The following FHIT variants were observed in gnomAD, a reference collection of about 807,000 sequenced individuals.
FHIT encodes fragile histidine triad diadenosine triphosphatase.
In FHIT, 19 loss-of-function variants were observed where a neutral mutation model predicts 17.9. That is an observed-to-expected ratio of 1.06 (90% confidence interval 0.74 to 1.56). FHIT has a LOEUF of 1.56. FHIT is among the 40% of genes most tolerant of loss of function. FHIT has a pLI of 0.00. For missense variants in FHIT, 248 were observed against 189.2 expected (o/e 1.31, Z -1.82); for synonymous variants, 81 against 69.7 (o/e 1.16, Z -0.81).
chr3:60,047,196 A>G (rs969953955), intron 5 of FHIT, among the ~76,000 whole-genome samples: 1 of 152,250 alleles, frequency 6.6e-6, no homozygotes, highest in African/African-American at 2.4e-5. Flanking sequence ...GGCTATTTCC[A>G]TCCTCAATTC....
At chr3:61,205,709 G>A (rs75340275) in intron 1 of FHIT, among the ~76,000 whole-genome samples, 2 of 152,008 alleles carry the variant, frequency 1.3e-5, no homozygotes, top group African/African-American at 4.8e-5. Context: ...TTGTAGATTC[G>A]GGATATTAGC....
At chr3:60,047,315 G>A (rs530120609) in intron 5 of FHIT, among the ~76,000 whole-genome samples, 1 of 152,314 alleles carries the variant, frequency 6.6e-6, no homozygotes, top group South Asian at 2.1e-4. Context: ...AGAGGCGGTT[G>A]TTCTTTCTTG....
intron 2 of FHIT, among the ~76,000 whole-genome samples, chr3:61,060,051 T>A (rs1286334840): frequency 1.3e-5 from 2 of 152,140 alleles, no homozygotes; most frequent in Non-Finnish European, 2.9e-5. Context: ...CTGTCCAGGG[T>A]GAGTTCCCAC....
chr3:60,700,669 T>A (rs1283848473), intron 4 of FHIT, among the ~76,000 whole-genome samples: 2 of 152,196 alleles, frequency 1.3e-5, no homozygotes, highest in Admixed American at 1.3e-4. Context: ...TTGATAAATA[T>A]ATCCAGATTT....
intron 4 of FHIT, among the ~76,000 whole-genome samples, chr3:60,539,505 G>A (rs1426095082): frequency 1.3e-5 from 2 of 152,024 alleles, no homozygotes; most frequent in Non-Finnish European, 1.5e-5. Context: ...TATGTTTATT[G>A]CGGCACTATT....
At chr3:61,234,991 A>T (rs1453090681) in intron 1 of FHIT, among the ~76,000 whole-genome samples, 1 of 152,208 alleles carries the variant, frequency 6.6e-6, no homozygotes, top group Non-Finnish European at 1.5e-5. Context: ...AAAAATATTG[A>T]TGTTTCCTTA....
chr3:60,305,271 C>A (rs1010300036), intron 5 of FHIT, among the ~76,000 whole-genome samples: 2 of 152,100 alleles, frequency 1.3e-5, no homozygotes, highest in Admixed American at 1.3e-4. Flanking sequence ...TCAATCATTT[C>A]CAGTAAAGTG....
At chr3:60,463,903 T>C (rs1168649448) in intron 5 of FHIT, among the ~76,000 whole-genome samples, 2 of 152,218 alleles carry the variant, frequency 1.3e-5, no homozygotes, top group African/African-American at 4.8e-5. Flanking sequence ...TTAATTATTA[T>C]CCACGAATCA....
intron 3 of FHIT, among the ~76,000 whole-genome samples, chr3:60,943,403 C>T (rs150504840): frequency 3.9e-5 from 6 of 151,902 alleles, no homozygotes; most frequent in Non-Finnish European, 5.9e-5. Flanking sequence ...ATATTTTGTC[C>T]GATATTAATA....
intron 3 of FHIT, among the ~76,000 whole-genome samples, chr3:60,885,248 C>A (rs1170826864): frequency 2.0e-5 from 3 of 152,068 alleles, no homozygotes; most frequent in Non-Finnish European, 4.4e-5. Context: ...TGCTGGATAT[C>A]CTAATTACCT....
chr3:60,903,107 G>A (rs1188948842), intron 3 of FHIT, among the ~76,000 whole-genome samples: 3 of 152,066 alleles, frequency 2.0e-5, no homozygotes, highest in Admixed American at 6.5e-5. Context: ...AAAAAACTAA[G>A]TTGGTTCAAA....
At chr3:60,103,417 C>G (rs534471721) in intron 5 of FHIT, among the ~76,000 whole-genome samples, 1 of 152,240 alleles carries the variant, frequency 6.6e-6, no homozygotes, top group South Asian at 2.1e-4. Context: ...ACCAAAGCAA[C>G]ATGCTTTTAC....
At chr3:60,510,511 T>G (rs779118078) in intron 5 of FHIT, among the ~76,000 whole-genome samples, 5 of 152,214 alleles carry the variant, frequency 3.3e-5, no homozygotes, top group Admixed American at 6.5e-5. Flanking sequence ...ATCTCATTTT[T>G]TGTGAAGCTA....
At chr3:60,789,074 CAT>C (rs1700680436) in intron 4 of FHIT, among the ~76,000 whole-genome samples, 1 of 147,536 alleles carries the variant, frequency 6.8e-6, no homozygotes, top group South Asian at 2.2e-4. Context: ...AAAATATATA[CAT>C]ATATAGAGAG....
intron 2 of FHIT, among the ~76,000 whole-genome samples, chr3:61,100,313 C>T (rs1022583204): frequency 3.9e-5 from 6 of 152,120 alleles, no homozygotes; most frequent in East Asian, 1.9e-4. Context: ...ATGCGGTGTC[C>T]GGTTTTCTGT....
At chr3:59,880,139 G>C (rs1052421584) in intron 8 of FHIT, among the ~76,000 whole-genome samples, 1 of 152,166 alleles carries the variant, frequency 6.6e-6, no homozygotes, top group African/African-American at 2.4e-5. Flanking sequence ...TAGGTTTTAA[G>C]GTTAAGAAGT....
At chr3:60,315,462 C>T (rs921430056) in intron 5 of FHIT, among the ~76,000 whole-genome samples, 24 of 152,174 alleles carry the variant, frequency 1.6e-4, no homozygotes, top group African/African-American at 5.1e-4. Flanking sequence ...CCTACCCCCA[C>T]ACAAATAAGA....
Position 60,591,258 on chromosome 3 carries a change from T to C in FHIT, c.-17-54279A>G, listed in dbSNP as rs573258619. Among the ~76,000 whole-genome samples, 48 of 151,886 alleles carry C rather than the reference T, an allele frequency of 3.2e-4. 3 individuals carry two copies. The South Asian group carries it at 8.5e-3, about 27-fold the overall frequency. On this transcript the variant is annotated intron_variant, in intron 4 of 9. Transcript: ENST00000492590. ...GATCCTAGAAGACTTTGCTCCCTAA[T>C]TGCCTCCCAATAACCCTCACTCTCA... is the stretch of plus-strand genomic sequence containing the variant.
At chr3:60,952,179 C>CCCCCCA (rs1491234247) in intron 3 of FHIT, among the ~76,000 whole-genome samples, 1 of 103,286 alleles carries the variant, frequency 9.7e-6, no homozygotes, top group African/African-American at 3.4e-5. Flanking sequence ...ACCCCCCCCC[C>CCCCCCA]AAAAAAAAAA....
Sources: allele counts gnomAD v4.1 joint callset (sites outside exome capture counted in the v4.1 genomes callset), GRCh38; gene constraint gnomAD v4.1.1; transcripts MANE v1.5; gene names NCBI Gene and HGNC (gene_info 2026-07-23, HGNC 2026-07-21).